Variants in C12orf42 observed in about 807,000 individuals in gnomAD.
C12orf42 encodes chromosome 12 open reading frame 42.
A neutral mutation model predicts 21.6 loss-of-function variants in C12orf42; 25 were observed. The observed-to-expected ratio is 1.16, with a 90% CI of 0.84 to 1.62. The LOEUF (loss-of-function observed/expected upper bound fraction) is 1.62. Ranked by LOEUF, C12orf42 falls within the 40% of genes most tolerant of loss-of-function variation. The pLI, the probability that C12orf42 is intolerant of heterozygous loss-of-function variation, is 0.00. For missense variants in C12orf42, 483 were observed against 459.3 expected, an observed-to-expected ratio of 1.05 and a Z score of -0.47; for synonymous variants, 174 against 175.0, an observed-to-expected ratio of 0.99 and a Z score of 0.05.
rs113140911 is a variant in C12orf42, at chr12:103,440,875, T to C, written c.78+37474A>G. 8.5e-3 allele frequency among the ~76,000 whole-genome samples: 1,287 copies of C among 152,262 alleles called. 20 individuals are homozygous for C. The highest frequency in any genetic ancestry group is 0.029 in the African/African-American group (1,210 of 41,576). ...AACCTCTGACCATGGAACCTTTCTT[T>C]TACACTTAGCATCTATTAAGTTTGC... On this transcript the variant is annotated intron_variant, in intron 2 of 5. Transcript: ENST00000548883.
At chr12:103,421,421 A>C (rs2139126326) in intron 2 of C12orf42, among the ~76,000 whole-genome samples, 1 of 152,006 alleles carries the variant, frequency 6.6e-6, no homozygotes, top group Admixed American at 6.6e-5. Context: ...TAAAATAAAA[A>C]ATATTACCTG....
At chr12:103,422,572 A>C (rs1027192778) in intron 2 of C12orf42, among the ~76,000 whole-genome samples, 1 of 152,174 alleles carries the variant, frequency 6.6e-6, no homozygotes, top group Non-Finnish European at 1.5e-5. Flanking sequence ...TCCTTTTAAA[A>C]TGATACCTCA....
the C12orf42 span, among the ~76,000 whole-genome samples, chr12:103,171,599 T>C: frequency 6.6e-6 from 1 of 152,054 alleles, no homozygotes; most frequent in Non-Finnish European, 1.5e-5. Context: ...GTATTTTTAA[T>C]AAATTGAAGA....
chr12:103,103,509 T>A, the C12orf42 span, among the ~76,000 whole-genome samples: 2 of 152,220 alleles, frequency 1.3e-5, no homozygotes, highest in African/African-American at 4.8e-5. Context: ...GTCACAGGCA[T>A]ATAAAGGATC....
At chr12:103,289,607 T>C (rs2036670889) in intron 4 of C12orf42, among the ~76,000 whole-genome samples, 1 of 152,142 alleles carries the variant, frequency 6.6e-6, no homozygotes, top group Non-Finnish European at 1.5e-5. Context: ...AATTGGCTAA[T>C]TAAATTATAC....
chr12:103,556,739 G>A, the C12orf42 span, among the ~76,000 whole-genome samples: 2 of 152,160 alleles, frequency 1.3e-5, no homozygotes, highest in African/African-American at 2.4e-5. Context: ...CAGAGCCTGT[G>A]AATGTGACCT....
chr12:103,215,440 C>T, the C12orf42 span, among the ~76,000 whole-genome samples: 2 of 152,194 alleles, frequency 1.3e-5, 1 homozygote, highest in African/African-American at 4.8e-5. Flanking sequence ...TCCCTCCTGG[C>T]CTCTTACCCC....
chr12:103,322,118 C>CGT (rs2040220698), intron 4 of C12orf42, among the ~76,000 whole-genome samples: 1 of 120,066 alleles, frequency 8.3e-6, no homozygotes, highest in African/African-American at 3.9e-5. Context: ...TGCGTGCGCG[C>CGT]GCGCGCGCAC....
the C12orf42 span, among the ~76,000 whole-genome samples, chr12:103,531,516 C>CA: frequency 6.6e-6 from 1 of 152,100 alleles, no homozygotes; most frequent in Non-Finnish European, 1.5e-5. Flanking sequence ...CAAAAGAAAG[C>CA]AAAGAGTTGG....
intron 2 of C12orf42, among the ~76,000 whole-genome samples, chr12:103,466,411 T>C (rs1953132940): frequency 1.3e-5 from 2 of 152,178 alleles, no homozygotes; most frequent in African/African-American, 4.8e-5. Flanking sequence ...TACTTACTGA[T>C]CCATCCCTCA....
the C12orf42 span, among the ~76,000 whole-genome samples, chr12:103,560,811 G>A: frequency 6.6e-6 from 1 of 152,148 alleles, no homozygotes; most frequent in Admixed American, 6.5e-5. Context: ...GTCACTTTGA[G>A]GATTCAACAA....
At chr12:103,435,616 G>A (rs915875571) in intron 2 of C12orf42, among the ~76,000 whole-genome samples, 2 of 152,122 alleles carry the variant, frequency 1.3e-5, no homozygotes, top group Non-Finnish European at 2.9e-5. Flanking sequence ...AAAAGCCTCA[G>A]GAGCCGATGC....
At chr12:103,476,561 T>C (rs1282439109) in intron 2 of C12orf42, among the ~76,000 whole-genome samples, 2 of 152,234 alleles carry the variant, frequency 1.3e-5, no homozygotes, top group Non-Finnish European at 2.9e-5. Flanking sequence ...AGGATTGTGC[T>C]TGGGCTGTTT....
downstream of C12orf42, among the ~76,000 whole-genome samples, chr12:103,300,367 T>C (rs1221562852): frequency 1.3e-5 from 2 of 152,194 alleles, no homozygotes; most frequent in Non-Finnish European, 2.9e-5. Flanking sequence ...ATCTATGGAC[T>C]CTCCATCTCA....
the C12orf42 span, among the ~76,000 whole-genome samples, chr12:103,220,064 T>C: frequency 6.6e-6 from 1 of 152,162 alleles, no homozygotes; most frequent in East Asian, 1.9e-4. Context: ...ATATACATCA[T>C]GGAATATTAT....
intron 4 of C12orf42, among the ~76,000 whole-genome samples, chr12:103,342,098 T>A (rs975586821): frequency 1.3e-5 from 2 of 152,154 alleles, no homozygotes; most frequent in Non-Finnish European, 2.9e-5. Flanking sequence ...TACACCAAGC[T>A]GACCAGTTTG....
the C12orf42 span, among the ~76,000 whole-genome samples, chr12:103,213,936 A>C: frequency 1.3e-5 from 2 of 152,226 alleles, no homozygotes; most frequent in African/African-American, 4.8e-5. Context: ...ACATGAGCTG[A>C]GAAAAAGTGG....
chr12:103,339,698 G>T (rs969152407), intron 4 of C12orf42, among the ~76,000 whole-genome samples: 1 of 152,192 alleles, frequency 6.6e-6, no homozygotes, highest in Non-Finnish European at 1.5e-5. Flanking sequence ...AATAACAGAT[G>T]CTGGTGAAAT....
the C12orf42 span, among the ~76,000 whole-genome samples, chr12:103,144,670 G>A: frequency 3.3e-5 from 5 of 152,092 alleles, no homozygotes; most frequent in African/African-American, 4.8e-5. Context: ...GCTTTTTATG[G>A]GTGATATAAT....
Sources: allele counts gnomAD v4.1 joint callset (sites outside exome capture counted in the v4.1 genomes callset), GRCh38; gene constraint gnomAD v4.1.1; transcripts MANE v1.5; gene names NCBI Gene and HGNC (gene_info 2026-07-23, HGNC 2026-07-21).